The following FBXO38 variants were observed in gnomAD, a reference collection of about 807,000 sequenced individuals.
The protein encoded by FBXO38 is F-box protein 38, also known as F-box only protein 38.
In FBXO38, 53 loss-of-function variants were observed where a neutral mutation model predicts 131.9. The observed-to-expected ratio is 0.40, with a 90% CI of 0.32 to 0.51. The LOEUF (loss-of-function observed/expected upper bound fraction) is 0.51, where lower values mean the gene tolerates loss of function less well. Ranked by LOEUF, FBXO38 falls within the 20% of genes least tolerant of loss-of-function variation. FBXO38 has a pLI of 0.53. For missense variants in FBXO38, 1,076 were observed against 1,475.6 expected, an observed-to-expected ratio of 0.73 and a Z score of 4.44; for synonymous variants, 452 against 505.6, an observed-to-expected ratio of 0.89 and a Z score of 1.42.
intron 7 of FBXO38, 65 bp downstream of exon 7, chr5:148,406,459 T>C (rs1752449509): frequency 7.7e-7 from 1 of 1,298,658 alleles, no homozygotes; most frequent in Non-Finnish European, 1.0e-6. Context: ...ATTAAGCTTT[T>C]ATTTAACTTC....
intron 2 of FBXO38, 21 bp from the exon 3 acceptor site, chr5:148,398,978 G>T (rs372293727): frequency 1.9e-6 from 3 of 1,612,120 alleles, no homozygotes; most frequent in Admixed American, 3.3e-5. Context: ...TGATAAATAC[G>T]AGTTTCTTTC....
intron 13 of FBXO38, among the ~76,000 whole-genome samples, 169 bp downstream of exon 13, chr5:148,424,286 A>G (rs1753600010): frequency 6.6e-6 from 1 of 152,222 alleles, no homozygotes; most frequent in Admixed American, 6.5e-5. Context: ...TGTTGCATGT[A>G]TCTTACTAAA....
chr5:148,415,691 A>G (rs959231498), intron 10 of FBXO38, among the ~76,000 whole-genome samples: 10 of 152,180 alleles, frequency 6.6e-5, no homozygotes. Flanking sequence ...AGTGGATCAC[A>G]TTTAAATCAG....
intron 2 of FBXO38, 136 bp downstream of exon 2, chr5:148,395,040 G>A (rs372757549): frequency 1.8e-4 from 166 of 927,678 alleles, no homozygotes; most frequent in African/African-American, 1.2e-3. Context: ...AATTTAGTTC[G>A]TCAGTTGCAC....
At chr5:148,422,560 C>G (rs1753502476) in intron 12 of FBXO38, among the ~76,000 whole-genome samples, 1 of 152,144 alleles carries the variant, frequency 6.6e-6, no homozygotes, top group African/African-American at 2.4e-5. Context: ...CTAGAGTAAG[C>G]CATGAGACTA....
intron 15 of FBXO38, among the ~76,000 whole-genome samples, chr5:148,429,472 T>C (rs1753908697): frequency 6.6e-6 from 1 of 152,216 alleles, no homozygotes; most frequent in Admixed American, 6.5e-5. Context: ...CTGGTCATTC[T>C]ATTCTGTTCT....
chr5:148,428,316 T>TTGAC (rs1289045853), intron 15 of FBXO38, among the ~76,000 whole-genome samples: 16 of 152,330 alleles, frequency 1.1e-4, no homozygotes, highest in African/African-American at 3.4e-4. Flanking sequence ...AGGCAAGGAC[T>TTGAC]TGACGTTGCT....
At chr5:148,410,193 T>G (rs1157964336) in intron 8 of FBXO38, 1 of 155,242 alleles carries the variant, frequency 6.4e-6, no homozygotes, top group Non-Finnish European at 1.4e-5. Flanking sequence ...ATGGTTTGGC[T>G]CTGTTTCTCC....
Position 148,414,176 on chromosome 5 carries a change from T to C in FBXO38, c.1134T>C (p.Ala378=), listed in dbSNP as rs1006716153. 1.2e-6 allele frequency: 2 copies of C among 1,612,330 alleles called. No individual in the cohort carries two copies. The highest frequency in any genetic ancestry group is 1.3e-5 in the African/African-American group (1 of 74,910). ...CGGATCTGGTGAAGTATGGTTTGGC[T>C]GATGTGGTAGAAAATCCTGGTATCA... ...ANADLVKYGL[A]DVVENPGIIT... Residue 378 remains alanine, a synonymous_variant, in exon 10 of 22, where the codon GCT becomes GCC. Coordinates refer to ENST00000340253, the MANE Select transcript of FBXO38 (RefSeq NM_205836.3).
In FBXO38 at chr5:148,406,499, G is replaced by A. The variant is rs116413316; in HGVS notation, c.868+105G>A. 1.8e-3 allele frequency: 1,526 copies of A among 843,464 alleles called. 19 individuals are homozygous for A. In the African/African-American group the frequency reaches 0.024, roughly 13 times the overall value. 52.2% of individuals were successfully genotyped at this position (843,464 alleles called of 1,614,324 possible). On this transcript the variant is annotated intron_variant, in intron 7 of 21. Transcript: ENST00000340253. ...GCAAGTCTTTAAAAAGAAAATGCTCGTCAGTAACTGCTTTCTTTGTTGTAT... is the reference window on the plus strand; with the variant it reads ...GCAAGTCTTTAAAAAGAAAATGCTCATCAGTAACTGCTTTCTTTGTTGTAT...
rs547297676 is a variant in FBXO38, at chr5:148,404,854, A to G, written c.730+32A>G. On this transcript the variant is annotated intron_variant, in intron 6 of 21. Coordinates refer to ENST00000340253, the MANE Select transcript of FBXO38 (RefSeq NM_205836.3). ...GTACACAATTATGGTGGAATTAAACATAAGTTATTCTAAAAATATCCTGAA... is the reference window on the plus strand; with the variant it reads ...GTACACAATTATGGTGGAATTAAACGTAAGTTATTCTAAAAATATCCTGAA... 12 of 1,560,016 alleles carry G rather than the reference A, an allele frequency of 7.7e-6. No homozygotes were observed. Among genetic ancestry groups the G allele is most frequent in the South Asian group, 6.3e-5 (5 of 79,912 alleles).
rs555948281 is a variant in FBXO38, at chr5:148,394,740, G to A, written c.-37G>A. The A allele has an allele frequency of 6.1e-6, 9 of 1,478,948 alleles. No individual in the cohort carries two copies. The East Asian group carries it at 1.8e-4, about 29-fold the overall frequency. 91.6% of individuals were successfully genotyped at this position (1,478,948 alleles called of 1,614,324 possible). On this transcript the variant is annotated 5_prime_UTR_variant, in exon 2 of 22. Coordinates refer to ENST00000340253, the MANE Select transcript of FBXO38 (RefSeq NM_205836.3). ...TACTTTGAACTCAAGTAAACAAAAG[G>A]GAAGATTTTCTCGTTGATACTGGAG...
chr5:148,395,896 A>C (rs1198581427), intron 2 of FBXO38, among the ~76,000 whole-genome samples: 1 of 152,146 alleles, frequency 6.6e-6, no homozygotes, highest in Non-Finnish European at 1.5e-5. Context: ...GGTTGCAATA[A>C]ACTTCTCTAA....
chr5:148,404,413 T>TA (rs2113540321), intron 5 of FBXO38, among the ~76,000 whole-genome samples: 1 of 152,318 alleles, frequency 6.6e-6, no homozygotes, highest in African/African-American at 2.4e-5. Context: ...GAGAAAGACT[T>TA]ACATGTCTAA....
At chr5:148,426,305 G>T (rs577755310) in intron 14 of FBXO38, among the ~76,000 whole-genome samples, 8 of 152,120 alleles carry the variant, frequency 5.3e-5, no homozygotes, top group Non-Finnish European at 1.0e-4. Flanking sequence ...TTTGCAAATT[G>T]TGCAGTCATT....
intron 15 of FBXO38, 93 bp from the exon 16 acceptor site, chr5:148,433,331 C>A (rs905642136): frequency 2.4e-6 from 2 of 825,274 alleles, no homozygotes; most frequent in African/African-American, 1.7e-5. Flanking sequence ...TTGGGAATTA[C>A]CTTGATTATG....
chr5:148,401,684 T>A (rs988597514), intron 3 of FBXO38, among the ~76,000 whole-genome samples: 4 of 152,176 alleles, frequency 2.6e-5, no homozygotes, highest in Non-Finnish European at 4.4e-5. Context: ...CCAAGTTATC[T>A]GGGTTAAAAG....
chr5:148,409,098 C>T, intron 7 of FBXO38, 26 bp from the exon 8 acceptor site: 2 of 1,355,124 alleles, frequency 1.5e-6, no homozygotes, highest in Non-Finnish European at 2.1e-6. Flanking sequence ...TATGGTCAAA[C>T]ACTTGTTTTT....
At chr5:148,385,488 T>C (rs1350157456) in intron 1 of FBXO38, among the ~76,000 whole-genome samples, 1 of 152,246 alleles carries the variant, frequency 6.6e-6, no homozygotes, top group Non-Finnish European at 1.5e-5. Context: ...TGCTTCACAC[T>C]GGTACATCCT....
Sources: allele counts gnomAD v4.1 joint callset (sites outside exome capture counted in the v4.1 genomes callset), GRCh38; gene constraint gnomAD v4.1.1; transcripts MANE v1.5; gene names NCBI Gene and HGNC (gene_info 2026-07-23, HGNC 2026-07-21).